FAM186B: variants seen among roughly 807,000 people sequenced by gnomAD.
FAM186B encodes protein FAM186B.
FAM186B carries 68 observed loss-of-function variants against 83.4 expected under a neutral mutation model. That is an observed-to-expected ratio of 0.81 (90% CI 0.67 to 1.00). The LOEUF (loss-of-function observed/expected upper bound fraction) is 1.00. Ranked by LOEUF, FAM186B falls within the 50% of genes least tolerant of loss-of-function variation. The probability of loss-of-function intolerance (pLI) is 0.00; values close to 1 mark genes in which losing one functional copy is unlikely to be tolerated. For missense variants in FAM186B, 983 were observed against 1,099.2 expected (o/e 0.89, Z 1.49); for synonymous variants, 389 against 422.0 (o/e 0.92, Z 0.96).
chr12:49,588,062 G>A (rs1251507537), intron 6 of FAM186B, among the ~76,000 whole-genome samples: 2 of 152,216 alleles, frequency 1.3e-5, no homozygotes, highest in African/African-American at 4.8e-5. Flanking sequence ...TAGCGCCCCA[G>A]AGGTTCACAG....
chr12:49,597,105 G>A (rs1480862625), intron 5 of FAM186B, among the ~76,000 whole-genome samples: 1 of 152,164 alleles, frequency 6.6e-6, no homozygotes, highest in Non-Finnish European at 1.5e-5. Context: ...TTGCAGCCTA[G>A]CAGCAATAGG....
intron 5 of FAM186B, 25 bp downstream of exon 5, chr12:49,598,730 G>C (rs760831694): frequency 2.6e-6 from 4 of 1,520,340 alleles, no homozygotes; most frequent in Non-Finnish European, 3.5e-6. Flanking sequence ...GCGGAGTGGC[G>C]GGGGGGTCAG....
chr12:49,604,587 G>C, intron 1 of FAM186B, 49 bp from the exon 2 acceptor site: 1 of 1,507,662 alleles, frequency 6.6e-7, no homozygotes, highest in Non-Finnish European at 9.2e-7. Context: ...ACTTGAGCCA[G>C]AAGCCACATG....
the FAM186B span, among the ~76,000 whole-genome samples, chr12:49,612,244 CT>C: frequency 1.3e-5 from 2 of 152,090 alleles, no homozygotes; most frequent in East Asian, 3.8e-4. Context: ...AGAGGCCCAT[CT>C]CACACATAAT....
the FAM186B span, among the ~76,000 whole-genome samples, chr12:49,618,458 C>T: frequency 1.3e-5 from 2 of 151,154 alleles, no homozygotes; most frequent in Admixed American, 1.3e-4. Context: ...AGCAGACAAC[C>T]AAGGAGTCTA....
Position 49,587,524 on chromosome 12 carries a change from T to G in FAM186B, c.*81A>C. The stretch of plus-strand genomic sequence containing the variant: ...TCATTGTTAAAGCCTGGAGAGAGAT[T>G]TATTGGGGAGAATCCACATTGACCA... On this transcript the variant is annotated 3_prime_UTR_variant, in exon 7 of 7. Coordinates refer to ENST00000257894, the MANE Select transcript of FAM186B (RefSeq NM_032130.3). 1 of 1,561,194 alleles carries G rather than the reference T, an allele frequency of 6.4e-7. No individual in the cohort carries two copies. The highest frequency in any genetic ancestry group is 1.7e-5 in the Admixed American group (1 of 59,898).
At chr12:49,584,203 C>A (rs1227602645), downstream of FAM186B, 1 of 348,100 alleles carries the variant, frequency 2.9e-6, no homozygotes, top group Non-Finnish European at 5.4e-6. Context: ...ATGTTTGCTC[C>A]CAAAGGACAC....
At chr12:49,588,353 T>C in intron 6 of FAM186B, 101 bp downstream of exon 6, 3 of 1,405,504 alleles carry the variant, frequency 2.1e-6, no homozygotes, top group Non-Finnish European at 2.9e-6. Context: ...TATTGGCCTG[T>C]TGGTGCCCTC....
chr12:49,607,415 T>C (rs1940044573), upstream of FAM186B, among the ~76,000 whole-genome samples: 1 of 151,974 alleles, frequency 6.6e-6, no homozygotes, highest in South Asian at 2.1e-4. Flanking sequence ...GCCAATAAAG[T>C]TGGTAAATTA....
the FAM186B span, among the ~76,000 whole-genome samples, chr12:49,621,022 A>C: frequency 6.6e-6 from 1 of 152,224 alleles, no homozygotes; most frequent in South Asian, 2.1e-4. Context: ...TATAAAAATA[A>C]GTGACCATGT....
At chr12:49,618,205 C>T in the FAM186B span, among the ~76,000 whole-genome samples, 2 of 151,974 alleles carry the variant, frequency 1.3e-5, no homozygotes, top group African/African-American at 4.8e-5. Flanking sequence ...ATTAGCCGGG[C>T]GTGTTGGCAC....
Position 49,601,090 on chromosome 12 carries a change from G to A in FAM186B, c.550C>T (p.Gln184Ter), listed in dbSNP as rs1178222089. 1.3e-6 allele frequency: 2 copies of A among 1,593,488 alleles called. No homozygotes were observed. Among genetic ancestry groups the A allele is most frequent in the Non-Finnish European group, 1.7e-6 (2 of 1,167,816 alleles). ...GGCTGAGGATGGGATGGAGATGTCT[G>A]TGGGCTTCTTCCCTGCCAGCCCTGC... ...FWQGWQGRSPQTSPSHPQPLS... is the reference protein window; with the variant it reads ...FWQGWQGRSP The change falls in exon 4 of 7, where the codon CAG becomes TAG. Residue 184 changes from glutamine (Q) to a stop codon, truncating the protein, a stop_gained. Transcript: ENST00000257894. LOFTEE classifies it high-confidence loss of function.
downstream of FAM186B, chr12:49,583,107 A>ATTG (rs1477276875): frequency 1.1e-5 from 5 of 455,620 alleles, no homozygotes; most frequent in Admixed American, 9.4e-5. Flanking sequence ...CAGTGCCAAG[A>ATTG]GCCTGTGAAA....
At chr12:49,606,965 G>A (rs1940035996), upstream of FAM186B, among the ~76,000 whole-genome samples, 1 of 152,110 alleles carries the variant, frequency 6.6e-6, no homozygotes, top group African/African-American at 2.4e-5. Context: ...ATCAATAATT[G>A]AGAGATCTTT....
At chr12:49,612,330 C>T in the FAM186B span, among the ~76,000 whole-genome samples, 1 of 149,888 alleles carries the variant, frequency 6.7e-6, no homozygotes, top group Non-Finnish European at 1.5e-5. Context: ...GAGCAAGGGT[C>T]ACTATTCTTA....
In FAM186B at chr12:49,588,681, G is replaced by T. The variant is rs567233121; in HGVS notation, c.2365-58C>A. 6 of 1,505,490 alleles carry T rather than the reference G, an allele frequency of 4.0e-6. No individual in the cohort carries two copies. The African/African-American group carries it at 5.6e-5, about 14-fold the overall frequency. The allele number at this position is 1,505,490 out of a possible 1,614,324, so 93.3% of individuals were successfully genotyped here. On this transcript the variant is annotated intron_variant, in intron 5 of 6. Transcript: ENST00000257894. ...CAGGAAGTTATCTCCTCTCTAGGTC[G>T]TGAGGAGGCTTTGTCTGTTTGTTGG...
At chr12:49,595,940 C>T (rs1194309465) in intron 5 of FAM186B, among the ~76,000 whole-genome samples, 2 of 152,074 alleles carry the variant, frequency 1.3e-5, no homozygotes, top group African/African-American at 4.8e-5. Flanking sequence ...GCCGAGATGG[C>T]GCCACTGCAC....
chr12:49,606,486 GACACACAC>G (rs57458344), upstream of FAM186B, among the ~76,000 whole-genome samples: 43 of 136,088 alleles, frequency 3.2e-4, no homozygotes, highest in African/African-American at 9.9e-4. Context: ...TAGATACCCT[GACACACAC>G]ACACACACAC....
rs776255466 is a variant in FAM186B at position 49,600,622 on chromosome 12, C to G, written c.1018G>C (p.Gly340Arg). Residue 340 changes from glycine to arginine, a missense_variant, in exon 4 of 7, where the codon GGT becomes CGT. By Grantham distance (125) the Gly-to-Arg change is moderately radical (BLOSUM62 -2). Coordinates refer to ENST00000257894, the MANE Select transcript of FAM186B (RefSeq NM_032130.3). The surrounding 1 kb of genome is among the most constrained non-coding windows in gnomAD (Gnocchi z 4.3). Reference sequence around the variant, plus strand: ...GGGAGGGTCTCTCTCTCAGAGGGACCTGGGGAGTCAACAGAAACCTCAGCC... The same window carrying G: ...GGGAGGGTCTCTCTCTCAGAGGGACGTGGGGAGTCAACAGAAACCTCAGCC... ...DLAEVSVDSP[G>R]PSERETLPRK... 31 of 1,613,194 alleles carry G rather than the reference C, an allele frequency of 1.9e-5. No homozygotes were observed. The highest frequency in any genetic ancestry group is 2.5e-5 in the Non-Finnish European group (30 of 1,179,554).
Sources: gnomAD v4.1 joint callset for allele counts (sites outside exome capture counted in the v4.1 genomes callset) on GRCh38, gnomAD v4.1.1 for gene constraint, Gnocchi (gnomAD v3.1) non-coding constraint, MANE v1.5 for transcripts, NCBI Gene and HGNC (gene_info 2026-07-23, HGNC 2026-07-21) for gene names.